MGLL: variants seen among roughly 807,000 people sequenced by gnomAD.
The protein encoded by MGLL is lysophospholipase homolog.
Under a neutral mutation model 29.1 loss-of-function variants are expected in MGLL, and 7 were observed. That is an observed-to-expected ratio of 0.24 (90% CI 0.14 to 0.45). The LOEUF (loss-of-function observed/expected upper bound fraction) is 0.45. MGLL is among the 20% of genes least tolerant of loss of function. The pLI is 0.99. For synonymous variants in MGLL, 148 were observed against 168.3 expected, an observed-to-expected ratio of 0.88 and a Z score of 0.93; for missense variants, 356 against 413.6, an observed-to-expected ratio of 0.86 and a Z score of 1.21.
chr3:127,784,722 T>C (rs764921384), intron 2 of MGLL, among the ~76,000 whole-genome samples: 16 of 152,156 alleles, frequency 1.1e-4, no homozygotes, highest in Non-Finnish European at 2.1e-4. Context: ...TTGTGGTAAG[T>C]GGGTTTCTCC....
chr3:127,790,753 C>T (rs1388089691), intron 2 of MGLL, among the ~76,000 whole-genome samples: 3 of 152,098 alleles, frequency 2.0e-5, no homozygotes, highest in Non-Finnish European at 1.5e-5. Context: ...CAGCCTGCCC[C>T]GCAGCCTCTT....
intron 2 of MGLL, among the ~76,000 whole-genome samples, chr3:127,805,141 G>A (rs1011900049): frequency 1.3e-5 from 2 of 152,214 alleles, no homozygotes; most frequent in Admixed American, 6.5e-5. Flanking sequence ...TCTTCTATAA[G>A]AATGTGCTGG....
chr3:127,706,456 C>T, intron 6 of MGLL, among the ~76,000 whole-genome samples: 1 of 152,198 alleles, frequency 6.6e-6, no homozygotes, highest in South Asian at 2.1e-4. Flanking sequence ...GTCATGAGCT[C>T]ACAGCCGTTT....
intron 3 of MGLL, among the ~76,000 whole-genome samples, chr3:127,742,358 T>A (rs1398085270): frequency 6.6e-6 from 1 of 151,946 alleles, no homozygotes; most frequent in Admixed American, 6.6e-5. Context: ...GGGAGGCCAA[T>A]GTGGGTGGAT....
intron 2 of MGLL, among the ~76,000 whole-genome samples, chr3:127,798,394 C>T (rs767815537): frequency 6.6e-6 from 1 of 152,284 alleles, no homozygotes; most frequent in South Asian, 2.1e-4. Context: ...GAGTCACAGT[C>T]CTGGGGCTCC....
At chr3:127,700,525 C>A (rs936668973) in intron 6 of MGLL, among the ~76,000 whole-genome samples, 1 of 152,214 alleles carries the variant, frequency 6.6e-6, no homozygotes, top group East Asian at 1.9e-4. Flanking sequence ...GTCTGCCCCA[C>A]GTGAGGGTCA....
chr3:127,745,726 G>A (rs930864596), intron 3 of MGLL, among the ~76,000 whole-genome samples: 4 of 152,118 alleles, frequency 2.6e-5, no homozygotes, highest in Admixed American at 6.5e-5. Context: ...TCAGGATGCC[G>A]GGGTTCCTGG....
At chr3:127,790,068 A>T (rs1345635679) in intron 2 of MGLL, among the ~76,000 whole-genome samples, 1 of 152,258 alleles carries the variant, frequency 6.6e-6, no homozygotes, top group Non-Finnish European at 1.5e-5. Flanking sequence ...ATTAAAAAGC[A>T]GTATCCTGTG....
intron 2 of MGLL, among the ~76,000 whole-genome samples, chr3:127,816,860 G>A (rs1042127728): frequency 1.3e-5 from 2 of 152,272 alleles, no homozygotes; most frequent in African/African-American, 4.8e-5. Flanking sequence ...TCCACTGAAA[G>A]CGGCCACAGT....
At chr3:127,763,070 C>G (rs909645176) in intron 3 of MGLL, among the ~76,000 whole-genome samples, 2 of 152,202 alleles carry the variant, frequency 1.3e-5, no homozygotes, top group Middle Eastern at 3.2e-3. Flanking sequence ...GATCCACCCT[C>G]CTTGAATGTC....
chr3:127,694,894 T>A, intron 7 of MGLL, 81 bp downstream of exon 7: 1 of 1,422,300 alleles, frequency 7.0e-7, no homozygotes, highest in East Asian at 2.3e-5. Context: ...CTCGAGGGTC[T>A]GGGCAGATGT....
chr3:127,696,589 T>C lies in MGLL; in HGVS notation c.601-1399A>G, dbSNP rs566747097. Among the ~76,000 whole-genome samples the C allele has an allele frequency of 4.0e-4, 61 of 151,952 alleles. 1 individual carries two copies. Among genetic ancestry groups the C allele is most frequent in the African/African-American group, 1.4e-3 (59 of 41,458 alleles). Reference sequence around the variant, plus strand: ...CCATCACACCCAGCTAATTTTTGTATTTTTAGTACAGACGGGGTTTTGCCA... The same window carrying C: ...CCATCACACCCAGCTAATTTTTGTACTTTTAGTACAGACGGGGTTTTGCCA... On this transcript the variant is annotated intron_variant, in intron 6 of 7. Transcript: ENST00000265052.
chr3:127,786,330 A>T (rs979863893), intron 2 of MGLL, among the ~76,000 whole-genome samples: 1 of 152,254 alleles, frequency 6.6e-6, no homozygotes, highest in African/African-American at 2.4e-5. Context: ...CAACCTCAAC[A>T]ACAGGCAGCA....
intron 6 of MGLL, among the ~76,000 whole-genome samples, chr3:127,697,706 CAGAA>C (rs1463315913): frequency 2.6e-5 from 4 of 152,214 alleles, no homozygotes; most frequent in Non-Finnish European, 4.4e-5. Flanking sequence ...CCTTGCCCCA[CAGAA>C]AGAGTCAGGG....
At chr3:127,755,093 C>T (rs920139402) in intron 3 of MGLL, among the ~76,000 whole-genome samples, 3 of 152,058 alleles carry the variant, frequency 2.0e-5, no homozygotes, top group South Asian at 2.1e-4. Context: ...CTTGCCATTG[C>T]GGGGGCTGTT....
intron 3 of MGLL, among the ~76,000 whole-genome samples, chr3:127,739,457 G>C (rs1368146570): frequency 6.6e-6 from 1 of 152,172 alleles, no homozygotes; most frequent in African/African-American, 2.4e-5. Flanking sequence ...TATTAGTTTG[G>C]TCTCCTTTCA....
rs117085080 is a variant in MGLL at position 127,761,834 on chromosome 3, T to G, written c.262+19955A>C. 6.6e-6 allele frequency among the ~76,000 whole-genome samples: 1 copy of G among 152,150 alleles called. No individual in the cohort carries two copies. The highest frequency in any genetic ancestry group is 1.5e-5 in the Non-Finnish European group (1 of 68,026). On this transcript the variant is annotated intron_variant, in intron 3 of 7. Coordinates refer to ENST00000265052, the MANE Select transcript of MGLL (RefSeq NM_007283.7). This position sits in a 1 kb window ranked among gnomAD's most constrained non-coding sequence, Gnocchi z 4.6. ...CATTCTCAAATGCCCAGACAAGCAC[T>G]AAATATGCGTAGTGCACCCAGCGCA...
chr3:127,718,116 A>T, intron 5 of MGLL, among the ~76,000 whole-genome samples: 1 of 146,294 alleles, frequency 6.8e-6, no homozygotes, highest in Admixed American at 6.8e-5. Flanking sequence ...TGGTGGCGAG[A>T]TTTAGGAGGG....
At chr3:127,820,573 C>T (rs1276457498) in intron 2 of MGLL, among the ~76,000 whole-genome samples, 1 of 152,178 alleles carries the variant, frequency 6.6e-6, no homozygotes, top group Non-Finnish European at 1.5e-5. Context: ...AGAAATTAAT[C>T]CAAGATTGAG....
Sources: allele counts gnomAD v4.1 joint callset (sites outside exome capture counted in the v4.1 genomes callset), GRCh38; gene constraint gnomAD v4.1.1; non-coding constraint Gnocchi (gnomAD v3.1); transcripts MANE v1.5; gene names NCBI Gene and HGNC (gene_info 2026-07-23, HGNC 2026-07-21).